The following TRMT9B variants were observed in gnomAD, a reference collection of about 807,000 sequenced individuals.
The protein encoded by TRMT9B is probable tRNA methyltransferase 9B.
A neutral mutation model predicts 11.5 loss-of-function variants in TRMT9B; 16 were observed. The observed-to-expected ratio is 1.39, with a 90% CI of 0.94 to 2.11. The LOEUF is 2.11. Ranked by LOEUF, TRMT9B falls within the 30% of genes most tolerant of loss-of-function variation. The pLI, the probability that TRMT9B is intolerant of heterozygous loss-of-function variation, is 0.00. For synonymous variants in TRMT9B, 274 were observed against 192.4 expected (o/e 1.42, Z -3.51); for missense variants, 941 against 553.8 (o/e 1.70, Z -7.02).
chr8:12,991,589 T>C (rs974073603), intron 2 of TRMT9B, among the ~76,000 whole-genome samples: 8 of 152,212 alleles, frequency 5.3e-5, no homozygotes, highest in African/African-American at 1.9e-4. Flanking sequence ...AATATTTGTA[T>C]TTCTTTTTAG....
At chr8:12,997,405 G>A (rs1166365216) in intron 2 of TRMT9B, among the ~76,000 whole-genome samples, 2 of 152,070 alleles carry the variant, frequency 1.3e-5, no homozygotes, top group African/African-American at 2.4e-5. Flanking sequence ...GCTTCCTGAG[G>A]CCTCACCAGG....
chr8:12,991,730 C>G (rs1027058492), intron 2 of TRMT9B, among the ~76,000 whole-genome samples: 4 of 152,016 alleles, frequency 2.6e-5, no homozygotes, highest in African/African-American at 4.8e-5. Flanking sequence ...GTCCGGAGTT[C>G]AAGACCAGCC....
chr8:13,008,383 T>C (rs1312776543), intron 3 of TRMT9B, among the ~76,000 whole-genome samples: 1 of 152,114 alleles, frequency 6.6e-6, no homozygotes, highest in African/African-American at 2.4e-5. Context: ...AAATAGATTA[T>C]GGAAAGGACA....
At chr8:12,963,602 C>T (rs1461510313) in intron 1 of TRMT9B, among the ~76,000 whole-genome samples, 3 of 151,942 alleles carry the variant, frequency 2.0e-5, no homozygotes, top group Non-Finnish European at 4.4e-5. Context: ...CAAAAATTAG[C>T]CTGGCGGTGG....
In TRMT9B at chr8:13,013,143, C is replaced by G. The variant is rs150758823; in HGVS notation, c.328+286C>G. Among the ~76,000 whole-genome samples the G allele has an allele frequency of 5.1e-3, 784 of 152,270 alleles. 3 individuals carry two copies. Among genetic ancestry groups the G allele is most frequent in the Non-Finnish European group, 7.7e-3 (522 of 68,030 alleles). On this transcript the variant is annotated intron_variant, in intron 4 of 4. Coordinates refer to ENST00000524591, the MANE Select transcript of TRMT9B (RefSeq NM_020844.3). ...AAGAAAGGATTAGAGGAATCTTACT[C>G]ATTGAAAATAGCACTTCATTATATT...
At chr8:12,956,891 T>A (rs1269037415) in intron 1 of TRMT9B, among the ~76,000 whole-genome samples, 4 of 152,234 alleles carry the variant, frequency 2.6e-5, no homozygotes, top group Non-Finnish European at 4.4e-5. Context: ...TCTTCTATTT[T>A]TAAGCAGTAA....
At chr8:13,009,921 G>T (rs1811275711) in intron 3 of TRMT9B, among the ~76,000 whole-genome samples, 1 of 152,012 alleles carries the variant, frequency 6.6e-6, no homozygotes, top group African/African-American at 2.4e-5. Context: ...TAGCTCAGGA[G>T]TTCGAGACCA....
rs1192369075 is a variant in TRMT9B at position 13,029,049 on chromosome 8, A to G, written c.*7005A>G. The stretch of plus-strand genomic sequence containing the variant: ...ATGTATGTCTGTAAATATATATATA[A>G]CACACATATATATATATTCCTAGAC... On this transcript the variant is annotated 3_prime_UTR_variant, in exon 5 of 5. Transcript: ENST00000524591. 1 of 166,610 alleles carries G rather than the reference A, an allele frequency of 6.0e-6. No individual in the cohort carries two copies. Among genetic ancestry groups the G allele is most frequent in the Non-Finnish European group, 1.5e-5 (1 of 68,102 alleles). 10.3% of individuals were successfully genotyped at this position (166,610 alleles called of 1,614,324 possible).
At chr8:13,020,435 A>G (rs1253232464) in intron 4 of TRMT9B, among the ~76,000 whole-genome samples, 1 of 152,190 alleles carries the variant, frequency 6.6e-6, no homozygotes, top group Admixed American at 6.5e-5. Flanking sequence ...TGATTTTTTA[A>G]ATAGACACAA....
At chr8:13,008,950 G>A (rs575085413) in intron 3 of TRMT9B, among the ~76,000 whole-genome samples, 2 of 152,194 alleles carry the variant, frequency 1.3e-5, no homozygotes, top group African/African-American at 2.4e-5. Context: ...GGATGGTGTC[G>A]ATCTCCTGAC....
At chr8:12,964,668 G>A (rs549190383) in intron 1 of TRMT9B, among the ~76,000 whole-genome samples, 6 of 152,222 alleles carry the variant, frequency 3.9e-5, no homozygotes, top group East Asian at 1.9e-4. Flanking sequence ...TCAAACTCCC[G>A]GGCTCAAGCG....
At chr8:12,992,282 A>T (rs975077223) in intron 2 of TRMT9B, among the ~76,000 whole-genome samples, 5 of 152,188 alleles carry the variant, frequency 3.3e-5, no homozygotes, top group Non-Finnish European at 5.9e-5. Flanking sequence ...CTATTTGGGA[A>T]CATATACAGA....
chr8:13,019,026 G>A (rs1053425805), intron 4 of TRMT9B, among the ~76,000 whole-genome samples: 7 of 152,150 alleles, frequency 4.6e-5, no homozygotes, highest in African/African-American at 1.7e-4. Flanking sequence ...GGGAATATTT[G>A]CACTGAGAGG....
Position 13,027,527 on chromosome 8 carries a change from A to G in TRMT9B, c.*5483A>G, listed in dbSNP as rs954679615. 1.8e-4 allele frequency: 30 copies of G among 167,050 alleles called. No homozygotes were observed. Among genetic ancestry groups the G allele is most frequent in the African/African-American group, 6.8e-4 (28 of 41,462 alleles). The allele number at this position is 167,050 out of a possible 1,614,324, so 10.3% of individuals were successfully genotyped here. The stretch of plus-strand genomic sequence containing the variant: ...TGGATGGCATTCAGGCCCTTCATAA[A>G]GTAACTCTGAATTATTTTTCAGTCT... On this transcript the variant is annotated 3_prime_UTR_variant, in exon 5 of 5. Transcript: ENST00000524591.
rs1814604422 is a variant in TRMT9B, at chr8:13,025,645, A to G, written c.*3601A>G. The G allele has an allele frequency of 6.0e-6, 1 of 167,106 alleles. No individual in the cohort carries two copies. The highest frequency in any genetic ancestry group is 2.4e-5 in the African/African-American group (1 of 41,470). 10.4% of individuals were successfully genotyped at this position (167,106 alleles called of 1,614,324 possible). Reference sequence around the variant, plus strand: ...AAGGATGGAATCAAAATAATGTTATAGTGAGAATCATTCAAGCACCTATTT... The same window carrying G: ...AAGGATGGAATCAAAATAATGTTATGGTGAGAATCATTCAAGCACCTATTT... On this transcript the variant is annotated 3_prime_UTR_variant, in exon 5 of 5. Coordinates refer to ENST00000524591, the MANE Select transcript of TRMT9B (RefSeq NM_020844.3).
At chr8:12,965,827 A>G (rs903404773) in intron 1 of TRMT9B, among the ~76,000 whole-genome samples, 1 of 152,052 alleles carries the variant, frequency 6.6e-6, no homozygotes, top group Non-Finnish European at 1.5e-5. Flanking sequence ...AGCCTGGGCA[A>G]CATGGCAAAA....
intron 2 of TRMT9B, among the ~76,000 whole-genome samples, chr8:13,005,098 A>G (rs1810205763): frequency 6.6e-6 from 1 of 151,994 alleles, no homozygotes; most frequent in Non-Finnish European, 1.5e-5. Context: ...AAAAAAAAAA[A>G]AAGAAAAAGA....
intron 1 of TRMT9B, among the ~76,000 whole-genome samples, chr8:12,979,492 A>C (rs1805012398): frequency 6.6e-6 from 1 of 152,178 alleles, no homozygotes; most frequent in Non-Finnish European, 1.5e-5. Context: ...AAAAAAAATA[A>C]AAAAATAAAG....
intron 1 of TRMT9B, chr8:12,952,216 G>T (rs1399777068): frequency 2.2e-6 from 1 of 450,518 alleles, no homozygotes; most frequent in Admixed American, 2.4e-5. Context: ...CCGGAGCACT[G>T]ACAATGGTCT....
Sources: gnomAD v4.1 joint callset for allele counts (sites outside exome capture counted in the v4.1 genomes callset) on GRCh38, gnomAD v4.1.1 for gene constraint, MANE v1.5 for transcripts, NCBI Gene and HGNC (gene_info 2026-07-23, HGNC 2026-07-21) for gene names.